Variants in SCARA5 observed in about 807,000 individuals in gnomAD.
SCARA5 encodes scavenger receptor class A, member 5 (putative).
In SCARA5, 45 loss-of-function variants were observed where a neutral mutation model predicts 46.3. That is an observed-to-expected ratio of 0.97 (90% CI 0.76 to 1.24). The LOEUF (loss-of-function observed/expected upper bound fraction) is 1.24. Among genes scored for constraint, SCARA5 ranks in the 50% most tolerant of loss-of-function variants. SCARA5 has a pLI of 0.00. For missense variants in SCARA5, 680 were observed against 689.0 expected (o/e 0.99, Z 0.15); for synonymous variants, 333 against 306.5 (o/e 1.09, Z -0.90).
At chr8:27,985,477 T>A (rs1808691864) in intron 2 of SCARA5, among the ~76,000 whole-genome samples, 1 of 152,208 alleles carries the variant, frequency 6.6e-6, no homozygotes, top group Non-Finnish European at 1.5e-5. Flanking sequence ...GCCACAGCCA[T>A]GCTTTGCCCA....
chr8:27,970,474 C>G (rs920404465), intron 2 of SCARA5, among the ~76,000 whole-genome samples: 1 of 152,186 alleles, frequency 6.6e-6, no homozygotes, highest in Admixed American at 6.5e-5. Flanking sequence ...ATGGCAATAA[C>G]CTGACAACCC....
chr8:27,982,108 C>T (rs1563201684), intron 2 of SCARA5, among the ~76,000 whole-genome samples: 1 of 152,160 alleles, frequency 6.6e-6, no homozygotes, highest in Non-Finnish European at 1.5e-5. Context: ...CGGCAGCTGC[C>T]AGGAGCATGT....
intron 3 of SCARA5, among the ~76,000 whole-genome samples, chr8:27,951,365 G>A (rs12680898): frequency 0.03 from 4,620 of 152,268 alleles, 218 homozygotes; most frequent in East Asian, 0.19. Context: ...CGCCAATGGA[G>A]CTCTGAAGGT....
intron 3 of SCARA5, among the ~76,000 whole-genome samples, chr8:27,934,184 G>A (rs765188360): frequency 6.6e-6 from 1 of 152,196 alleles, no homozygotes; most frequent in Admixed American, 6.5e-5. Context: ...GAAGGCAGCT[G>A]ATGGGCAGGC....
intron 3 of SCARA5, among the ~76,000 whole-genome samples, chr8:27,934,456 C>T (rs1807824359): frequency 1.3e-5 from 2 of 152,164 alleles, no homozygotes; most frequent in South Asian, 4.1e-4. Context: ...TGTGGTGTCT[C>T]TTGGAGCTCC....
intron 2 of SCARA5, among the ~76,000 whole-genome samples, chr8:27,966,749 G>A (rs1808375985): frequency 6.6e-6 from 1 of 152,152 alleles, no homozygotes; most frequent in Non-Finnish European, 1.5e-5. Context: ...CCCACTCTCT[G>A]TGTTCATGAT....
Position 27,871,826 on chromosome 8 carries a change from G to T in SCARA5, c.*108C>A, listed in dbSNP as rs1415866126. On this transcript the variant is annotated 3_prime_UTR_variant, in exon 9 of 9. Transcript: ENST00000354914. ...GCAGGTGTGAGGACTGAGAATGCTG[G>T]ACGGGGTGTGGTCGAGGCATGGTCA... 1.3e-6 allele frequency: 2 copies of T among 1,571,110 alleles called. No homozygotes were observed. The highest frequency in any genetic ancestry group is 8.6e-7 in the Non-Finnish European group (1 of 1,159,310).
At position 27,896,660 on chromosome 8, in the gene SCARA5, C is replaced by A. The variant is rs1253274378; in HGVS notation, c.1153+8118G>T. Among the ~76,000 whole-genome samples the A allele has an allele frequency of 2.6e-5, 4 of 152,126 alleles. No individual in the cohort carries two copies. The East Asian group carries it at 7.7e-4, about 29-fold the overall frequency. Reference sequence around the variant, plus strand: ...GGGACCCAGGCACCATGACAAGTGACTTTTCAAACCTCTGAGTCAGCGAGA... The same window carrying A: ...GGGACCCAGGCACCATGACAAGTGAATTTTCAAACCTCTGAGTCAGCGAGA... On this transcript the variant is annotated intron_variant, in intron 7 of 8. Transcript: ENST00000354914.
chr8:27,978,653 G>A (rs1808563869), intron 2 of SCARA5, among the ~76,000 whole-genome samples: 1 of 152,220 alleles, frequency 6.6e-6, no homozygotes, highest in South Asian at 2.1e-4. Flanking sequence ...AGGGCTACAG[G>A]CGTGCACCAC....
chr8:27,944,332 G>A (rs1202850095), intron 3 of SCARA5, among the ~76,000 whole-genome samples: 1 of 152,156 alleles, frequency 6.6e-6, no homozygotes. Context: ...TTGTATAGTG[G>A]TGATATAAGA....
chr8:27,905,741 G>A lies in SCARA5; in HGVS notation c.1097-907C>T, dbSNP rs558575848. On this transcript the variant is annotated intron_variant, in intron 6 of 8. Coordinates refer to ENST00000354914, the MANE Select transcript of SCARA5 (RefSeq NM_173833.6). ...TTTTTTTGAGACAGGGTCTCACTCT[G>A]TCACCCAGGCCCAGGCGGGAGTGCA... Among the ~76,000 whole-genome samples, 3 of 123,414 alleles carry A rather than the reference G, an allele frequency of 2.4e-5. No homozygotes were observed. In the East Asian group the frequency reaches 7.1e-4, roughly 29 times the overall value. 81.0% of individuals were successfully genotyped at this position (123,414 alleles called of 152,430 possible). A position where few individuals can be genotyped will look rare whatever the true frequency, so the allele number is the denominator to read the frequency against.
At chr8:27,968,675 C>T (rs1254995284) in intron 2 of SCARA5, among the ~76,000 whole-genome samples, 2 of 152,156 alleles carry the variant, frequency 1.3e-5, no homozygotes, top group African/African-American at 4.8e-5. Flanking sequence ...TTTCAGCTCT[C>T]CTGCTCTGAG....
chr8:27,940,413 G>C (rs1807924628), intron 3 of SCARA5, among the ~76,000 whole-genome samples: 1 of 152,112 alleles, frequency 6.6e-6, no homozygotes. Context: ...AGCCAAAAGT[G>C]ACCTTAATAA....
chr8:27,907,924 A>T (rs918779779), intron 5 of SCARA5, among the ~76,000 whole-genome samples: 2 of 152,128 alleles, frequency 1.3e-5, no homozygotes, highest in Non-Finnish European at 2.9e-5. Flanking sequence ...CCTGCTCTGG[A>T]TGCTTTTCAT....
At chr8:27,959,090 C>T (rs1047238802) in intron 3 of SCARA5, among the ~76,000 whole-genome samples, 1 of 151,948 alleles carries the variant, frequency 6.6e-6, no homozygotes, top group Non-Finnish European at 1.5e-5. Context: ...AAAATTAGCC[C>T]GGCTTGGTGG....
intron 3 of SCARA5, among the ~76,000 whole-genome samples, chr8:27,948,605 G>A (rs560599600): frequency 3.3e-5 from 5 of 152,322 alleles, no homozygotes; most frequent in African/African-American, 1.2e-4. Flanking sequence ...GGCCTGGAGA[G>A]CTCTTCAAAC....
chr8:27,900,490 A>G (rs1225356821), intron 7 of SCARA5, among the ~76,000 whole-genome samples: 1 of 152,198 alleles, frequency 6.6e-6, no homozygotes, highest in Non-Finnish European at 1.5e-5. Flanking sequence ...ACATGTACGA[A>G]GTGTTAAACA....
intron 7 of SCARA5, chr8:27,903,613 A>G (rs870819): frequency 0.72 from 109,131 of 152,212 alleles, 39,376 homozygotes; most frequent in East Asian, 0.8. Flanking sequence ...TGGTTGTAGG[A>G]TTTGTAGGTT....
rs1275957026 is a variant in SCARA5 at position 27,871,684 on chromosome 8, C to G, written c.*250G>C. On this transcript the variant is annotated 3_prime_UTR_variant, in exon 9 of 9. Transcript: ENST00000354914. The stretch of plus-strand genomic sequence containing the variant: ...TGGGCAAAGTGGTGATCCAGTTGAT[C>G]AGGGCTCCTCATGCAGGAACCTGGT... 1.5e-6 allele frequency: 2 copies of G among 1,370,858 alleles called. No homozygotes were observed. Among genetic ancestry groups the G allele is most frequent in the African/African-American group, 2.9e-5 (2 of 68,584 alleles). 84.9% of individuals were successfully genotyped at this position (1,370,858 alleles called of 1,614,324 possible). A position where few individuals can be genotyped will look rare whatever the true frequency, so the allele number is the denominator to read the frequency against.
Sources: gnomAD v4.1 joint callset for allele counts (sites outside exome capture counted in the v4.1 genomes callset) on GRCh38, gnomAD v4.1.1 for gene constraint, MANE v1.5 for transcripts, NCBI Gene and HGNC (gene_info 2026-07-23, HGNC 2026-07-21) for gene names.